PCDHGA5: variants seen among roughly 807,000 people sequenced by gnomAD.
The protein encoded by PCDHGA5 is protocadherin gamma subfamily A, 5.
A neutral mutation model predicts 56.7 loss-of-function variants in PCDHGA5; 36 were observed. The ratio of observed to expected loss-of-function variants is 0.64; its 90% confidence interval spans 0.49 to 0.84. PCDHGA5 has a LOEUF of 0.84. PCDHGA5 is among the 40% of genes least tolerant of loss of function. PCDHGA5 has a pLI of 0.00. For synonymous variants in PCDHGA5, 563 were observed against 520.2 expected, an observed-to-expected ratio of 1.08 and a Z score of -1.12; for missense variants, 1,305 against 1,201.5, an observed-to-expected ratio of 1.09 and a Z score of -1.27.
At chr5:141,503,598 CAAAAAAAAAAAA>C (rs765754054) in intron 2 of PCDHGA5, among the ~76,000 whole-genome samples, 11 of 65,762 alleles carry the variant, frequency 1.7e-4, no homozygotes, top group Admixed American at 3.4e-4. Context: ...GACTCCAGCT[CAAAAAAAAAAAA>C]AAAAGAAAAA....
intron 1 of PCDHGA5, among the ~76,000 whole-genome samples, chr5:141,442,703 C>A (rs1405830887): frequency 6.6e-6 from 1 of 152,218 alleles, no homozygotes; most frequent in Admixed American, 6.5e-5. Flanking sequence ...ACAAGAGTAT[C>A]AGACATGCCA....
chr5:141,382,530 G>A (rs1043069134), intron 1 of PCDHGA5, among the ~76,000 whole-genome samples: 2 of 152,150 alleles, frequency 1.3e-5, no homozygotes, highest in Non-Finnish European at 2.9e-5. Context: ...GTCTTAAAAT[G>A]GATTTTTAAT....
Position 141,374,926 on chromosome 5 carries a change from T to G in PCDHGA5, c.2421+8175T>G. ...TCCACGGGGAAGTAACTTATTCCTT[T>G]GTGAAGATTACAGAAAAGATCTCAC... is the stretch of plus-strand genomic sequence containing the variant. On this transcript the variant is annotated intron_variant, in intron 1 of 3. Coordinates refer to ENST00000518069, the MANE Select transcript of PCDHGA5 (RefSeq NM_018918.3). The G allele has an allele frequency of 3.1e-6, 5 of 1,613,970 alleles. No individual in the cohort carries two copies. In the South Asian group the frequency reaches 5.5e-5, roughly 18 times the overall value.
chr5:141,384,252 C>T lies in PCDHGA5; in HGVS notation c.2421+17501C>T, dbSNP rs377503121. ...CAGACACCAACGATAACCCACCCAC[C>T]TTCCCCCACTCATCCTACTCAGTCT... is the stretch of plus-strand genomic sequence containing the variant. On this transcript the variant is annotated intron_variant, in intron 1 of 3. Coordinates refer to ENST00000518069, the MANE Select transcript of PCDHGA5 (RefSeq NM_018918.3). 204 of 1,613,902 alleles carry T rather than the reference C, an allele frequency of 1.3e-4. 1 individual carries two copies. The highest frequency in any genetic ancestry group is 1.5e-4 in the Non-Finnish European group (179 of 1,179,886).
intron 1 of PCDHGA5, chr5:141,390,878 G>A (rs2092258677): frequency 6.5e-6 from 1 of 153,282 alleles, no homozygotes; most frequent in Non-Finnish European, 1.5e-5. Flanking sequence ...GTGTGTGTGT[G>A]TGTGTGTGTG....
rs549266523 is a variant in PCDHGA5 at position 141,408,917 on chromosome 5, C to A, written c.2421+42166C>A. ...TTCTGTCAAGGATACCAATGATAAC[C>A]CCCCGGTTTTCAGCAGAGACGAATA... On this transcript the variant is annotated intron_variant, in intron 1 of 3. Coordinates refer to ENST00000518069, the MANE Select transcript of PCDHGA5 (RefSeq NM_018918.3). 12 of 1,613,366 alleles carry A rather than the reference C, an allele frequency of 7.4e-6. No homozygotes were observed. In the African/African-American group the frequency reaches 1.6e-4, roughly 22 times the overall value.
intron 1 of PCDHGA5, among the ~76,000 whole-genome samples, chr5:141,447,984 G>C (rs1300057273): frequency 6.6e-6 from 1 of 151,952 alleles, no homozygotes; most frequent in African/African-American, 2.4e-5. Context: ...TACTCGGGAG[G>C]CTGAGGCATG....
chr5:141,400,594 A>G (rs2150867049), intron 1 of PCDHGA5: 1 of 1,603,498 alleles, frequency 6.2e-7, no homozygotes, highest in Non-Finnish European at 8.5e-7. Context: ...AAACTATCGT[A>G]CATTTTCAAG....
At position 141,477,112 on chromosome 5, in the gene PCDHGA5, A is replaced by C. The variant is rs745449028; in HGVS notation, c.2422-17695A>C. The C allele has an allele frequency of 2.5e-6, 4 of 1,614,262 alleles. No homozygotes were observed. The South Asian group carries it at 4.4e-5, about 18-fold the overall frequency. Reference sequence around the variant, plus strand: ...CCAAAGACAAGGGCGCCAATCCCGAAGGAGCACATTGCAAAGTGTTGGTGG... The same window carrying C: ...CCAAAGACAAGGGCGCCAATCCCGACGGAGCACATTGCAAAGTGTTGGTGG... On this transcript the variant is annotated intron_variant, in intron 1 of 3. Transcript: ENST00000518069. This position sits in a 1 kb window ranked among gnomAD's most constrained non-coding sequence, Gnocchi z 4.9.
rs1304554303 is a variant in PCDHGA5, at chr5:141,403,611, C to G, written c.2421+36860C>G. 3 of 1,613,860 alleles carry G rather than the reference C, an allele frequency of 1.9e-6. No homozygotes were observed. The highest frequency in any genetic ancestry group is 2.5e-6 in the Non-Finnish European group (3 of 1,179,892). Reference sequence around the variant, plus strand: ...CTCACGGCCTCGGATGGCGGCGAGCCGCGTCGCTCCAGCACAGTGCGCATC... The same window carrying G: ...CTCACGGCCTCGGATGGCGGCGAGCGGCGTCGCTCCAGCACAGTGCGCATC... On this transcript the variant is annotated intron_variant, in intron 1 of 3. Transcript: ENST00000518069.
At chr5:141,389,141 C>T (rs919430175) in intron 1 of PCDHGA5, 1 of 1,613,996 alleles carries the variant, frequency 6.2e-7, no homozygotes, top group Non-Finnish European at 8.5e-7. Flanking sequence ...ACAATATAAC[C>T]GTTACGGCAA....
chr5:141,414,408 C>A (rs1190630924), intron 1 of PCDHGA5: 1 of 1,613,752 alleles, frequency 6.2e-7, no homozygotes, highest in Non-Finnish European at 8.5e-7. Context: ...TGGTGATACA[C>A]AGAGCCCTTG....
intron 1 of PCDHGA5, chr5:141,392,498 AT>A (rs201401101): frequency 3.1e-4 from 68 of 217,634 alleles, no homozygotes; most frequent in African/African-American, 9.8e-4. Context: ...TAAGCAAATG[AT>A]TTTTTTTTCT....
At chr5:141,409,700 G>C (rs1561722120) in intron 1 of PCDHGA5, 4 of 1,613,280 alleles carry the variant, frequency 2.5e-6, no homozygotes, top group Non-Finnish European at 3.4e-6. Context: ...AGAGCCCCTG[G>C]CGGTGTCGTC....
intron 1 of PCDHGA5, chr5:141,428,285 C>CA (rs2097130658): frequency 2.7e-6 from 2 of 734,934 alleles, no homozygotes; most frequent in Non-Finnish European, 4.7e-6. Context: ...GATTCCCAAG[C>CA]AAAGCTGCAG....
chr5:141,473,925 T>C (rs1338065496), intron 1 of PCDHGA5, among the ~76,000 whole-genome samples: 1 of 152,124 alleles, frequency 6.6e-6, no homozygotes, highest in East Asian at 1.9e-4. Context: ...AACTATGAGC[T>C]GGGTGCAGTA....
intron 1 of PCDHGA5, chr5:141,403,427 G>T: frequency 6.2e-7 from 1 of 1,614,026 alleles, no homozygotes; most frequent in Non-Finnish European, 8.5e-7. Context: ...AGAAGCTATT[G>T]ATCCGGATGT....
At chr5:141,372,273 C>T (rs201775561) in intron 1 of PCDHGA5, 6 of 1,613,106 alleles carry the variant, frequency 3.7e-6, no homozygotes, top group East Asian at 4.5e-5. Context: ...GGGTGAGGTG[C>T]GCACGGCGCG....
intron 2 of PCDHGA5, among the ~76,000 whole-genome samples, chr5:141,504,579 G>T (rs994771989): frequency 2.0e-5 from 3 of 149,174 alleles, no homozygotes; most frequent in Non-Finnish European, 4.4e-5. Context: ...AACACCATCT[G>T]CCCAGGATTC....
Sources: allele counts gnomAD v4.1 joint callset (sites outside exome capture counted in the v4.1 genomes callset), GRCh38; gene constraint gnomAD v4.1.1; non-coding constraint Gnocchi (gnomAD v3.1); transcripts MANE v1.5; gene names NCBI Gene and HGNC (gene_info 2026-07-23, HGNC 2026-07-21).